Variants in RABGAP1 observed in about 807,000 individuals in gnomAD.
RABGAP1 encodes the protein rab GTPase-activating protein 1.
A neutral mutation model predicts 137.6 loss-of-function variants in RABGAP1; 23 were observed. The observed-to-expected ratio is 0.17, with a 90% confidence interval of 0.12 to 0.24. The LOEUF (loss-of-function observed/expected upper bound fraction) is 0.24, where lower values mean the gene tolerates loss of function less well. Ranked by LOEUF, RABGAP1 falls within the 10% of genes least tolerant of loss-of-function variation. RABGAP1 has a pLI of 1.00. For synonymous variants in RABGAP1, 451 were observed against 450.7 expected (o/e 1.00, Z -0.01); for missense variants, 906 against 1,275.8 (o/e 0.71, Z 4.42).
intron 13 of RABGAP1, among the ~76,000 whole-genome samples, chr9:123,032,868 G>T (rs1001641883): frequency 6.6e-6 from 1 of 152,114 alleles, no homozygotes; most frequent in Non-Finnish European, 1.5e-5. Context: ...AGATACAAAG[G>T]CTTATTTGTA....
intron 19 of RABGAP1, among the ~76,000 whole-genome samples, chr9:123,077,914 A>G (rs1304865658): frequency 6.6e-6 from 1 of 152,180 alleles, no homozygotes; most frequent in Non-Finnish European, 1.5e-5. Context: ...GAGAGGCTAA[A>G]TAAAATATAC....
intron 13 of RABGAP1, chr9:123,035,126 C>A: frequency 7.4e-6 from 12 of 1,613,754 alleles, no homozygotes; most frequent in African/African-American, 1.3e-5. Context: ...TCCTGGCACA[C>A]CGACTCCTAC....
intron 1 of RABGAP1, among the ~76,000 whole-genome samples, chr9:122,943,899 G>A (rs1833769142): frequency 1.3e-5 from 2 of 152,156 alleles, no homozygotes; most frequent in Admixed American, 1.3e-4. Flanking sequence ...CTTGCAGTGA[G>A]CCAAGATCGC....
At position 122,976,712 on chromosome 9, in the gene RABGAP1, TAACA is replaced by T. The variant is rs551074151; in HGVS notation, c.151-7768_151-7765del. Among the ~76,000 whole-genome samples, 415 of 152,346 alleles carry T rather than the reference TAACA, an allele frequency of 2.7e-3. 2 individuals carry two copies. The highest frequency in any genetic ancestry group is 9.4e-3 in the African/African-American group (391 of 41,588). ...AAGCTTTGGGGATATAAAGATAATTTAACAAACAGTCTCTGCCCAGTCTGGTTCA... is the reference window on the plus strand; with the variant it reads ...AAGCTTTGGGGATATAAAGATAATTTAACAGTCTCTGCCCAGTCTGGTTCA... On this transcript the variant is annotated intron_variant, in intron 2 of 25. Coordinates refer to ENST00000373647, the MANE Select transcript of RABGAP1 (RefSeq NM_012197.4).
chr9:122,967,222 G>T (rs960652133), intron 2 of RABGAP1, among the ~76,000 whole-genome samples: 4 of 152,090 alleles, frequency 2.6e-5, no homozygotes, highest in Non-Finnish European at 4.4e-5. Context: ...AGAATAATGG[G>T]TTTTTTTGGA....
chr9:123,036,612 G>C (rs2032676967), intron 13 of RABGAP1, among the ~76,000 whole-genome samples: 1 of 152,156 alleles, frequency 6.6e-6, no homozygotes, highest in African/African-American at 2.4e-5. Flanking sequence ...GTATACCGTA[G>C]TATACAGATT....
intron 13 of RABGAP1, among the ~76,000 whole-genome samples, chr9:123,032,361 G>A (rs2032349232): frequency 6.6e-6 from 1 of 152,178 alleles, no homozygotes; most frequent in Non-Finnish European, 1.5e-5. Flanking sequence ...TTGTTCCTTC[G>A]ATGCTATTGG....
chr9:123,022,967 T>C (rs2031737305), intron 13 of RABGAP1, among the ~76,000 whole-genome samples: 1 of 152,168 alleles, frequency 6.6e-6, no homozygotes, highest in Non-Finnish European at 1.5e-5. Context: ...CCAGCTGAGC[T>C]GTCAAAGTTT....
intron 13 of RABGAP1, chr9:123,033,516 T>A (rs182001281): frequency 6.6e-6 from 1 of 152,342 alleles, no homozygotes; most frequent in Non-Finnish European, 1.5e-5. Flanking sequence ...TCCAATTAGT[T>A]GCTAAAGATG....
intron 13 of RABGAP1, among the ~76,000 whole-genome samples, chr9:123,044,626 C>CGT (rs68089109): frequency 0.085 from 12,694 of 149,018 alleles, 572 homozygotes; most frequent in South Asian, 0.13. Flanking sequence ...AACACACGTA[C>CGT]GTGTGTGTGT....
At chr9:123,085,742 T>G (rs700072) in intron 19 of RABGAP1, among the ~76,000 whole-genome samples, 115,088 of 152,194 alleles carry the variant, frequency 0.76, 45,466 homozygotes, top group Middle Eastern at 0.89. Context: ...GTGTTTTCAT[T>G]CTTATTGTGT....
chr9:122,983,033 AAT>A (rs1274253144), intron 2 of RABGAP1, among the ~76,000 whole-genome samples: 2 of 151,938 alleles, frequency 1.3e-5, no homozygotes, highest in Admixed American at 6.6e-5. Context: ...ATGCACGGCT[AAT>A]TTTTGTGTTT....
chr9:123,021,971 C>G (rs1039914956), intron 13 of RABGAP1, among the ~76,000 whole-genome samples: 1 of 152,058 alleles, frequency 6.6e-6, no homozygotes, highest in Admixed American at 6.5e-5. Context: ...GAGATGAATT[C>G]CAGGTATAGA....
intron 13 of RABGAP1, among the ~76,000 whole-genome samples, chr9:123,058,195 G>T (rs181963714): frequency 1.3e-5 from 2 of 152,296 alleles, no homozygotes; most frequent in Admixed American, 1.3e-4. Context: ...TAGAATAGCT[G>T]CATATCCCAA....
rs552457119 is a variant in RABGAP1 at position 123,051,216 on chromosome 9, G to GTTTTTTT, written c.1795-14090_1795-14084dup. ...ACATGTTGTGATTTTATTCACCTTGGTTTTTTTTTTTTTTTTTTTTTTTTT... is the reference window on the plus strand; with the variant it reads ...ACATGTTGTGATTTTATTCACCTTGGTTTTTTTTTTTTTTTTTTTTTTTTTTTTTTTT... On this transcript the variant is annotated intron_variant, in intron 13 of 25. Coordinates refer to ENST00000373647, the MANE Select transcript of RABGAP1 (RefSeq NM_012197.4). Among the ~76,000 whole-genome samples the GTTTTTTT allele has an allele frequency of 3.2e-4, 11 of 34,270 alleles. 1 individual carries two copies. Among genetic ancestry groups the GTTTTTTT allele is most frequent in the Non-Finnish European group, 3.9e-4 (7 of 17,830 alleles). The allele number at this position is 34,270 out of a possible 152,430, so 22.5% of individuals were successfully genotyped here.
intron 2 of RABGAP1, among the ~76,000 whole-genome samples, chr9:122,959,035 T>G (rs920157123): frequency 2.0e-5 from 3 of 151,876 alleles, no homozygotes; most frequent in African/African-American, 7.3e-5. Flanking sequence ...TTACTCTTAC[T>G]CATAAATATA....
intron 10 of RABGAP1, among the ~76,000 whole-genome samples, chr9:123,008,549 A>G (rs2030513600): frequency 6.6e-6 from 1 of 151,552 alleles, no homozygotes; most frequent in African/African-American, 2.4e-5. Flanking sequence ...CATCTCAAAA[A>G]AAAAAAAAAA....
At chr9:123,009,975 T>G (rs1370046335) in intron 10 of RABGAP1, among the ~76,000 whole-genome samples, 2 of 152,224 alleles carry the variant, frequency 1.3e-5, no homozygotes, top group African/African-American at 4.8e-5. Flanking sequence ...ATAGGAAACC[T>G]TGAAGGATGC....
intron 2 of RABGAP1, among the ~76,000 whole-genome samples, chr9:122,982,605 C>T (rs1836130475): frequency 1.3e-5 from 2 of 152,200 alleles, no homozygotes; most frequent in Non-Finnish European, 2.9e-5. Flanking sequence ...TGTTATTTCT[C>T]CCTACCCTTG....
Sources: gnomAD v4.1 joint callset for allele counts (sites outside exome capture counted in the v4.1 genomes callset) on GRCh38, gnomAD v4.1.1 for gene constraint, MANE v1.5 for transcripts, NCBI Gene and HGNC (gene_info 2026-07-23, HGNC 2026-07-21) for gene names.